SLC22A25: variants seen among roughly 807,000 people sequenced by gnomAD.
The protein encoded by SLC22A25 is MGI:2442751, MGI:2385316, MGI:3042283, MGI:3645714, MGI:3605624, MGI:2442750.
SLC22A25 carries 44 observed loss-of-function variants against 45.9 expected under a neutral mutation model. The observed-to-expected ratio is 0.96, with a 90% CI of 0.75 to 1.23. The LOEUF is 1.23. Ranked by LOEUF, SLC22A25 falls within the 50% of genes most tolerant of loss-of-function variation. The pLI is 0.00. For synonymous variants in SLC22A25, 283 were observed against 238.6 expected, an observed-to-expected ratio of 1.19 and a Z score of -1.72; for missense variants, 800 against 666.4, an observed-to-expected ratio of 1.20 and a Z score of -2.21.
At chr11:63,164,726 T>G in intron 10 of SLC22A25, 92 bp from the exon 11 acceptor site, 1 of 998,078 alleles carries the variant, frequency 1.0e-6, no homozygotes, top group Non-Finnish European at 1.6e-6. Flanking sequence ...GCTTTGGAGG[T>G]GTTTCCAGGG....
chr11:63,243,200 A>G (rs1211143093), intron 1 of SLC22A25: 1 of 247,756 alleles, frequency 4.0e-6, no homozygotes, highest in South Asian at 5.6e-5. Context: ...CGCTACCTTC[A>G]GTAATGCTCC....
rs1028409588 is a variant in SLC22A25, at chr11:63,158,901, CACCCAAT to C, written c.*4916_*4922del. ...TTAACTATTCCCACTTCCCCTGAAG[CACCCAAT>C]ACCCTTCTCAGCCTCTGGTAATCAT... On this transcript the variant is annotated 3_prime_UTR_variant, in exon 12 of 12. Transcript: ENST00000306494. Among the ~76,000 whole-genome samples, 86 of 152,314 alleles carry C rather than the reference CACCCAAT, an allele frequency of 5.6e-4. No individual in the cohort carries two copies. Among genetic ancestry groups the C allele is most frequent in the African/African-American group, 1.8e-3 (76 of 41,576 alleles).
rs564874729 is a variant in SLC22A25, at chr11:63,186,266, G to T, written c.831-2449C>A. Among the ~76,000 whole-genome samples the T allele has an allele frequency of 9.4e-5, 14 of 148,880 alleles. No homozygotes were observed. In the East Asian group the frequency reaches 2.5e-3, roughly 27 times the overall value. On this transcript the variant is annotated intron_variant, in intron 7 of 11. Transcript: ENST00000306494. ...TGGTGTGAGATGGTATCTCATTGTG[G>T]TTTTGATTTGCATTTCTCTGATGGC...
intron 3 of SLC22A25, among the ~76,000 whole-genome samples, chr11:63,236,229 C>T (rs1036793301): frequency 2.6e-5 from 4 of 152,216 alleles, no homozygotes; most frequent in African/African-American, 9.6e-5. Flanking sequence ...TGTCTGTGCC[C>T]TGCCCCCAGA....
intron 9 of SLC22A25, among the ~76,000 whole-genome samples, chr11:63,180,312 C>A (rs1444033994): frequency 6.6e-6 from 1 of 152,158 alleles, no homozygotes; most frequent in East Asian, 1.9e-4. Context: ...TGGTAATATT[C>A]ATTGATCTGT....
chr11:63,226,524 T>G (rs896410568), intron 5 of SLC22A25, among the ~76,000 whole-genome samples: 3 of 152,242 alleles, frequency 2.0e-5, no homozygotes, highest in African/African-American at 4.8e-5. Flanking sequence ...CTGAGCTGCT[T>G]GTAGCTAGTG....
At chr11:63,198,815 T>C (rs145589543) in intron 7 of SLC22A25, among the ~76,000 whole-genome samples, 40 of 152,210 alleles carry the variant, frequency 2.6e-4, no homozygotes, top group African/African-American at 8.7e-4. Context: ...TTTGGATAAG[T>C]AAGGAAATTA....
At chr11:63,229,135 T>G in intron 4 of SLC22A25, 116 bp downstream of exon 4, 1 of 1,107,902 alleles carries the variant, frequency 9.0e-7, no homozygotes, top group Non-Finnish European at 1.2e-6. Context: ...TAATGTTTCC[T>G]GAAAGAATGA....
intron 7 of SLC22A25, among the ~76,000 whole-genome samples, chr11:63,206,576 C>G (rs1033288811): frequency 1.2e-4 from 19 of 152,128 alleles, no homozygotes; most frequent in African/African-American, 3.9e-4. Flanking sequence ...ATAGAACTCA[C>G]AAGGGATGTG....
rs1043568823 is a variant in SLC22A25, at chr11:63,219,807, TG to T, written c.507-2073del. 39 of 750,066 alleles carry T rather than the reference TG, an allele frequency of 5.2e-5. No homozygotes were observed. In the African/African-American group the frequency reaches 7.0e-4, roughly 13 times the overall value. 46.5% of individuals were successfully genotyped at this position (750,066 alleles called of 1,614,324 possible). A position where few individuals can be genotyped will look rare whatever the true frequency, so the allele number is the denominator to read the frequency against. ...TATGATCCATTAAAATTGGTTTATC[TG>T]CATTTTCTCATGGCACTGTCCCAGA... On this transcript the variant is annotated intron_variant, in intron 5 of 11. Transcript: ENST00000306494.
chr11:63,164,601 A>AG lies in SLC22A25; in HGVS notation c.1318dup (p.Leu440ProfsTer19), dbSNP rs767241046. 6.2e-7 allele frequency: 1 copy of AG among 1,613,836 alleles called. No homozygotes were observed. Among genetic ancestry groups the AG allele is most frequent in the Non-Finnish European group, 8.5e-7 (1 of 1,179,820 alleles). ...GCCAAGAGAAGCAGCTCCCACACCC[A>AG]GGGTTGCCAAAACCACACGCAGGGT... On this transcript the variant is annotated frameshift_variant, in exon 11 of 12. Coordinates refer to ENST00000306494, the MANE Select transcript of SLC22A25 (RefSeq NM_199352.6). LOFTEE classifies it high-confidence loss of function.
Position 63,160,245 on chromosome 11 carries a change from G to A in SLC22A25, c.*3579C>T, listed in dbSNP as rs1413854858. ...CTTTGTGACAGCCCTTCCTATCACA[G>A]GCCTGGAGGCCTAGGAGGTCCAGGT... is the stretch of plus-strand genomic sequence containing the variant. On this transcript the variant is annotated 3_prime_UTR_variant, in exon 12 of 12. Transcript: ENST00000306494. 2.0e-5 allele frequency among the ~76,000 whole-genome samples: 3 copies of A among 152,130 alleles called. No homozygotes were observed. The highest frequency in any genetic ancestry group is 4.1e-4 in the South Asian group (2 of 4,828).
At position 63,159,889 on chromosome 11, in the gene SLC22A25, AT is replaced by A. The variant is rs1324517099; in HGVS notation, c.*3934del. On this transcript the variant is annotated 3_prime_UTR_variant, in exon 12 of 12. Transcript: ENST00000306494. ...CTGGAGTAAAGGTGACTCTTGCTAT[AT>A]TTTAGTAAAGAGACTGGCAGCGTTT... Among the ~76,000 whole-genome samples the A allele has an allele frequency of 6.6e-6, 1 of 152,212 alleles. No homozygotes were observed. The highest frequency in any genetic ancestry group is 2.4e-5 in the African/African-American group (1 of 41,456).
At chr11:63,202,778 G>A (rs2089287137) in intron 7 of SLC22A25, among the ~76,000 whole-genome samples, 2 of 152,220 alleles carry the variant, frequency 1.3e-5, no homozygotes, top group Non-Finnish European at 2.9e-5. Flanking sequence ...GAGAGCAGTG[G>A]ATCTCCGAGC....
At chr11:63,177,674 G>A (rs893859774) in intron 9 of SLC22A25, among the ~76,000 whole-genome samples, 3 of 151,092 alleles carry the variant, frequency 2.0e-5, no homozygotes, top group African/African-American at 7.3e-5. Context: ...TTGGTGCCTG[G>A]ATAATTTAAC....
intron 7 of SLC22A25, among the ~76,000 whole-genome samples, chr11:63,199,111 G>T (rs2089155686): frequency 6.6e-6 from 1 of 151,788 alleles, no homozygotes; most frequent in African/African-American, 2.4e-5. Context: ...AACTAATAAA[G>T]ATTCATTTTT....
chr11:63,214,039 T>C (rs1225329528), intron 7 of SLC22A25, among the ~76,000 whole-genome samples: 2 of 152,194 alleles, frequency 1.3e-5, no homozygotes, highest in African/African-American at 2.4e-5. Context: ...TTAGCTGTCA[T>C]GGAAATCACA....
At chr11:63,195,819 T>C (rs2089005169) in intron 7 of SLC22A25, among the ~76,000 whole-genome samples, 1 of 152,076 alleles carries the variant, frequency 6.6e-6, no homozygotes, top group Non-Finnish European at 1.5e-5. Context: ...CAGGAGCTGG[T>C]TTTTTGAAAA....
intron 9 of SLC22A25, among the ~76,000 whole-genome samples, chr11:63,178,615 A>G (rs2088205829): frequency 6.6e-6 from 1 of 152,060 alleles, no homozygotes; most frequent in South Asian, 2.1e-4. Context: ...TCTTATTTTA[A>G]GAAATGTCTA....
Sources: allele counts gnomAD v4.1 joint callset (sites outside exome capture counted in the v4.1 genomes callset), GRCh38; gene constraint gnomAD v4.1.1; transcripts MANE v1.5; gene names NCBI Gene and HGNC (gene_info 2026-07-23, HGNC 2026-07-21).